The following GNA14 variants were observed in gnomAD, a reference collection of about 807,000 sequenced individuals.
GNA14 encodes G protein subunit alpha 14.
A neutral mutation model predicts 42.0 loss-of-function variants in GNA14; 50 were observed. The ratio of observed to expected loss-of-function variants is 1.19; its 90% CI spans 0.95 to 1.51. The LOEUF is 1.51. Among genes scored for constraint, GNA14 ranks in the 40% most tolerant of loss-of-function variants. The probability of loss-of-function intolerance (pLI) is 0.00; values close to 1 mark genes in which losing one functional copy is unlikely to be tolerated. For missense variants in GNA14, 473 were observed against 446.2 expected, an observed-to-expected ratio of 1.06 and a Z score of -0.54; for synonymous variants, 173 against 163.1, an observed-to-expected ratio of 1.06 and a Z score of -0.46.
intron 2 of GNA14, among the ~76,000 whole-genome samples, chr9:77,511,475 T>A (rs1003728199): frequency 1.3e-5 from 2 of 152,190 alleles, no homozygotes; most frequent in Non-Finnish European, 2.9e-5. Context: ...GTAACACATG[T>A]GTGTGTCCTG....
intron 6 of GNA14, among the ~76,000 whole-genome samples, chr9:77,424,958 C>T (rs1167245835): frequency 6.6e-6 from 1 of 152,070 alleles, no homozygotes; most frequent in Non-Finnish European, 1.5e-5. Context: ...CCTCCTGTAC[C>T]AGAAACAATT....
intron 2 of GNA14, among the ~76,000 whole-genome samples, chr9:77,477,380 A>AT (rs758000716): frequency 2.6e-5 from 4 of 152,196 alleles, no homozygotes; most frequent in Non-Finnish European, 4.4e-5. Context: ...AAGAAAACAG[A>AT]TATGTTAAGT....
intron 1 of GNA14, among the ~76,000 whole-genome samples, chr9:77,541,839 C>T (rs192888694): frequency 1.1e-4 from 16 of 152,144 alleles, no homozygotes; most frequent in East Asian, 9.7e-4. Flanking sequence ...AGCTTTCAAA[C>T]GTATTTCATA....
chr9:77,530,601 C>T (rs189023329), intron 1 of GNA14, among the ~76,000 whole-genome samples: 148 of 152,298 alleles, frequency 9.7e-4, no homozygotes, highest in African/African-American at 3.4e-3. Context: ...AGCTCCCAGT[C>T]GGCAAGAGAA....
At chr9:77,452,588 G>A (rs1387262919) in intron 2 of GNA14, among the ~76,000 whole-genome samples, 4 of 139,580 alleles carry the variant, frequency 2.9e-5, no homozygotes, top group Non-Finnish European at 4.6e-5. Flanking sequence ...ATGTGTATGT[G>A]TGTGTGTGGT....
chr9:77,626,573 G>A (rs748781836), intron 1 of GNA14, among the ~76,000 whole-genome samples: 13 of 152,128 alleles, frequency 8.5e-5, no homozygotes, highest in Non-Finnish European at 1.9e-4. Flanking sequence ...TAGAACTCAG[G>A]ATTAAGAAAC....
At chr9:77,599,085 T>G (rs1823511989) in intron 1 of GNA14, among the ~76,000 whole-genome samples, 1 of 152,170 alleles carries the variant, frequency 6.6e-6, no homozygotes, top group Non-Finnish European at 1.5e-5. Context: ...CTACAAGCAT[T>G]CAGAGAGGGA....
intron 2 of GNA14, among the ~76,000 whole-genome samples, chr9:77,443,150 C>G (rs1355303799): frequency 6.6e-6 from 1 of 152,082 alleles, no homozygotes; most frequent in Non-Finnish European, 1.5e-5. Flanking sequence ...ACAAAAAACT[C>G]AGGAAAAATA....
intron 1 of GNA14, among the ~76,000 whole-genome samples, chr9:77,586,031 T>A (rs961759242): frequency 1.3e-5 from 2 of 152,182 alleles, no homozygotes; most frequent in Non-Finnish European, 2.9e-5. Flanking sequence ...TGGCTTGCCT[T>A]GTTCTGACCT....
intron 2 of GNA14, among the ~76,000 whole-genome samples, chr9:77,527,042 C>A (rs554643934): frequency 2.6e-5 from 4 of 152,184 alleles, no homozygotes; most frequent in African/African-American, 7.2e-5. Context: ...TACACAGGAG[C>A]CTTTTCTCCT....
At chr9:77,646,062 A>G (rs1824346189) in intron 1 of GNA14, among the ~76,000 whole-genome samples, 1 of 152,148 alleles carries the variant, frequency 6.6e-6, no homozygotes, top group Non-Finnish European at 1.5e-5. Flanking sequence ...ACAATTTAGA[A>G]TTTTCAGACT....
intron 1 of GNA14, among the ~76,000 whole-genome samples, chr9:77,557,522 T>C (rs1049207683): frequency 1.3e-5 from 2 of 152,230 alleles, no homozygotes; most frequent in African/African-American, 2.4e-5. Context: ...ACTGGTTAGC[T>C]GGGGATATGA....
chr9:77,445,552 GAAAAAAAAAA>G (rs762651584), intron 2 of GNA14, among the ~76,000 whole-genome samples: 920 of 55,976 alleles, frequency 0.016, 15 homozygotes, highest in African/African-American at 0.045. Context: ...TCTCTAAGAA[GAAAAAAAAAA>G]AAAAAAAAAA....
At chr9:77,487,175 G>C (rs968148309) in intron 2 of GNA14, among the ~76,000 whole-genome samples, 1 of 152,146 alleles carries the variant, frequency 6.6e-6, no homozygotes, top group African/African-American at 2.4e-5. Context: ...TGGATGAAGG[G>C]ATGATTCATG....
At chr9:77,639,748 C>T (rs1824230605) in intron 1 of GNA14, among the ~76,000 whole-genome samples, 1 of 152,226 alleles carries the variant, frequency 6.6e-6, no homozygotes, top group Non-Finnish European at 1.5e-5. Context: ...GGAGCCTCCT[C>T]TCCAATTTCC....
Position 77,445,948 on chromosome 9 carries a change from G to C in GNA14, c.310-11426C>G, listed in dbSNP as rs1412987083. Among the ~76,000 whole-genome samples the C allele has an allele frequency of 2.0e-5, 3 of 152,188 alleles. No individual in the cohort carries two copies. In the East Asian group the frequency reaches 5.8e-4, roughly 29 times the overall value. Reference sequence around the variant, plus strand: ...TATCACTGACAGTCCAACTTAGCAAGAGGAATATCTCTTTTGTCTGTGCCT... The same window carrying C: ...TATCACTGACAGTCCAACTTAGCAACAGGAATATCTCTTTTGTCTGTGCCT... On this transcript the variant is annotated intron_variant, in intron 2 of 6. Transcript: ENST00000341700.
intron 1 of GNA14, among the ~76,000 whole-genome samples, chr9:77,546,694 T>C (rs1170440282): frequency 1.3e-5 from 2 of 152,204 alleles, no homozygotes; most frequent in African/African-American, 4.8e-5. Context: ...TATCTCTTAC[T>C]GGTAGCCAAA....
At chr9:77,455,632 G>A (rs932071771) in intron 2 of GNA14, among the ~76,000 whole-genome samples, 1 of 152,158 alleles carries the variant, frequency 6.6e-6, no homozygotes, top group African/African-American at 2.4e-5. Context: ...CTCATATAGG[G>A]TTATTGTTAG....
At chr9:77,526,407 C>T (rs1328480322) in intron 2 of GNA14, 1 of 151,846 alleles carries the variant, frequency 6.6e-6, no homozygotes, top group Non-Finnish European at 1.5e-5. Flanking sequence ...CAGAGTGAAA[C>T]CTTATTTGGA....
Sources: allele counts gnomAD v4.1 joint callset (sites outside exome capture counted in the v4.1 genomes callset), GRCh38; gene constraint gnomAD v4.1.1; transcripts MANE v1.5; gene names NCBI Gene and HGNC (gene_info 2026-07-23, HGNC 2026-07-21).